The following SCAP variants were observed in gnomAD, a reference collection of about 807,000 sequenced individuals.
SCAP encodes the protein SREBF chaperone, also known as sterol regulatory element-binding protein cleavage-activating protein.
SCAP carries 65 observed loss-of-function variants against 123.6 expected under a neutral mutation model. The ratio of observed to expected loss-of-function variants is 0.53; its 90% CI spans 0.43 to 0.65. The LOEUF (loss-of-function observed/expected upper bound fraction) is 0.65. SCAP is among the 30% of genes least tolerant of loss of function. SCAP has a pLI of 0.00. For missense variants in SCAP, 1,398 were observed against 1,712.5 expected (o/e 0.82, Z 3.24); for synonymous variants, 740 against 726.3 (o/e 1.02, Z -0.30).
In SCAP at chr3:47,417,590, G is replaced by A. The variant is rs1348099071; in HGVS notation, c.2684C>T (p.Pro895Leu). 4 of 1,597,326 alleles carry A rather than the reference G, an allele frequency of 2.5e-6. No individual in the cohort carries two copies. The highest frequency in any genetic ancestry group is 1.8e-5 in the Admixed American group (1 of 57,116). The stretch of plus-strand genomic sequence containing the variant: ...GCGGCCACAGACCGCCCGGTGCCGG[G>A]GCTCGGGCTGAGTGGGCTGTGAGGA... The part of the protein sequence containing the change: ...PRSSQPTQPE[P>L]RHRAVCGRSR... Residue 895 changes from proline to leucine, a missense_variant, in exon 17 of 23, where the codon CCC (proline) becomes CTC (leucine). By Grantham distance (98) the Pro-to-Leu change is moderately conservative. Around this residue, in one of 7 missense-constraint regions of SCAP, gnomAD observed 828 missense variants for 882.5 expected, o/e 0.94. Coordinates refer to ENST00000265565, the MANE Select transcript of SCAP (RefSeq NM_012235.4).
chr3:47,434,301 A>G (rs925036474), intron 3 of SCAP, among the ~76,000 whole-genome samples: 3 of 152,206 alleles, frequency 2.0e-5, no homozygotes, highest in African/African-American at 7.2e-5. Flanking sequence ...ACCACAGAAC[A>G]ACACAGAAGA....
chr3:47,468,024 C>T (rs555302221), intron 1 of SCAP, among the ~76,000 whole-genome samples: 8 of 152,266 alleles, frequency 5.3e-5, no homozygotes, highest in African/African-American at 1.9e-4. Context: ...CCAGCTTCAT[C>T]CATGTACCTA....
Position 47,414,641 on chromosome 3 carries a change from C to T in SCAP, c.3318G>A (p.Leu1106=), listed in dbSNP as rs1705481252. The change falls in exon 21 of 23, where the codon CTG becomes CTA. Residue 1106 remains leucine, a synonymous_variant. Coordinates refer to ENST00000265565, the MANE Select transcript of SCAP (RefSeq NM_012235.4). Reference sequence around the variant, plus strand: ...GGGTGAAGAGGCAGCACGAGTCCTCCAGACGGAACACCTGGGACAGGGATG... The same window carrying T: ...GGGTGAAGAGGCAGCACGAGTCCTCTAGACGGAACACCTGGGACAGGGATG... ...SQDHTLRVFR[L]EDSCCLFTLQ... 18 of 1,613,200 alleles carry T rather than the reference C, an allele frequency of 1.1e-5. No homozygotes were observed. The highest frequency in any genetic ancestry group is 1.6e-4 in the Middle Eastern group (1 of 6,084).
chr3:47,419,377 G>C lies in SCAP; in HGVS notation c.1891C>G (p.Arg631Gly). 6.2e-7 allele frequency: 1 copy of C among 1,611,634 alleles called. No homozygotes were observed. Among genetic ancestry groups the C allele is most frequent in the Non-Finnish European group, 8.5e-7 (1 of 1,179,304 alleles). The change falls in exon 13 of 23, where the codon CGC (arginine) becomes GGC (glycine). Residue 631 changes from arginine (R) to glycine (G), a missense_variant. Physicochemically the swap from Arg to Gly is moderately radical, Grantham distance 125. Coordinates refer to ENST00000265565, the MANE Select transcript of SCAP (RefSeq NM_012235.4). The surrounding 1 kb of genome is among the most constrained non-coding windows in gnomAD (Gnocchi z 5.0). The stretch of plus-strand genomic sequence containing the variant: ...TAGCTGAAGAGCGTCGGCCAGTGGC[G>C]GAAGGACAATTTCCTCCAAAGTTCC... Reference protein sequence around the residue: ...DEELWRKLSFRHWPTLFSYYN... With the variant: ...DEELWRKLSFGHWPTLFSYYN...
In SCAP at chr3:47,414,191, A is replaced by T. The variant is rs1705453173; in HGVS notation, c.3583T>A (p.Ser1195Thr). Residue 1195 changes from serine to threonine, a missense_variant, in exon 22 of 23, where the codon TCC (serine) becomes ACC (threonine). Ser to Thr is a moderately conservative substitution (Grantham distance 58). This residue lies in a region of SCAP where 130 missense variants were observed against 166.7 expected (regional missense o/e 0.78). Transcript: ENST00000265565. ...CCCATCCCCTCTACCTGCTGAATGG[A>T]GTAGAACTTGATGCCTGTGCTGCGG... ...WDRSTGIKFYSIQQDLGCGAS... is the reference protein window; with the variant it reads ...WDRSTGIKFYTIQQDLGCGAS... 6.2e-7 allele frequency: 1 copy of T among 1,613,552 alleles called. No homozygotes were observed. Among genetic ancestry groups the T allele is most frequent in the Non-Finnish European group, 8.5e-7 (1 of 1,180,018 alleles).
rs1199734376 is a variant in SCAP at position 47,435,140 on chromosome 3, G to C, written c.123-3C>G. ...AGGGGAGTTTCAGCAGTGGGTAGCT[G>C]GGATGTACAAAAAGGAGATAAGAAT... On this transcript the variant is annotated splice_polypyrimidine_tract_variant and splice_region_variant and intron_variant, in intron 2 of 22. Transcript: ENST00000265565. 1.9e-6 allele frequency: 3 copies of C among 1,611,994 alleles called. No individual in the cohort carries two copies. The highest frequency in any genetic ancestry group is 2.5e-6 in the Non-Finnish European group (3 of 1,178,930).
chr3:47,443,266 ACACACACACACTCT>A (rs1461858521), intron 1 of SCAP, 175 bp from the exon 2 acceptor site: 12 of 196,810 alleles, frequency 6.1e-5, no homozygotes, highest in South Asian at 2.0e-4. Context: ...ACACACACAC[ACACACACACACTCT>A]CTCTCTCTCT....
chr3:47,425,626 G>C lies in SCAP; in HGVS notation c.911-15C>G. On this transcript the variant is annotated splice_polypyrimidine_tract_variant and intron_variant, in intron 7 of 22. Transcript: ENST00000265565. Reference sequence around the variant, plus strand: ...GTCGATCTTCCCTGGAGGGCAGAGAGGGCGTATCAGGGCGGCCCCTCCCCC... The same window carrying C: ...GTCGATCTTCCCTGGAGGGCAGAGACGGCGTATCAGGGCGGCCCCTCCCCC... 1 of 1,613,084 alleles carries C rather than the reference G, an allele frequency of 6.2e-7. No individual in the cohort carries two copies. The highest frequency in any genetic ancestry group is 1.1e-5 in the South Asian group (1 of 91,028).
chr3:47,418,190 G>A lies in SCAP; in HGVS notation c.2391C>T (p.His797=). The A allele has an allele frequency of 1.3e-6, 2 of 1,575,560 alleles. No homozygotes were observed. Among genetic ancestry groups the A allele is most frequent in the Non-Finnish European group, 1.7e-6 (2 of 1,161,238 alleles). Residue 797 remains histidine, a synonymous_variant, in exon 16 of 23, where the codon CAC becomes CAT. Coordinates refer to ENST00000265565, the MANE Select transcript of SCAP (RefSeq NM_012235.4). ...CGGTCTGCGCGTCCCACACGCAGAC[G>A]TGGCCTGCCAGGCAGCAGCTCACCA... The part of the protein sequence containing the change: ...MLLVSCCLAG[H]VCVWDAQTGD...
At position 47,426,045 on chromosome 3, in the gene SCAP, G is replaced by C. The variant is rs764540288; in HGVS notation, c.862C>G (p.Leu288Val). ...AACAAGATGATGTAGGTGGTCACAA[G>C]GGGGATGAGCTCAGCGACACCAATC... ...EEIGVAELIP[L>V]VTTYIILFAY... is the part of the protein sequence containing the mutation. The change falls in exon 7 of 23, where the codon CTT becomes GTT. Residue 288 changes from leucine (L) to valine (V), a missense_variant. Leu to Val is a conservative substitution (Grantham distance 32). Coordinates refer to ENST00000265565, the MANE Select transcript of SCAP (RefSeq NM_012235.4). 8.7e-6 allele frequency: 14 copies of C among 1,614,092 alleles called. No homozygotes were observed. The highest frequency in any genetic ancestry group is 1.2e-5 in the Non-Finnish European group (14 of 1,180,026).
chr3:47,445,830 C>T lies in SCAP; in HGVS notation c.-98-2739G>A, dbSNP rs534692012. Among the ~76,000 whole-genome samples, 21 of 151,628 alleles carry T rather than the reference C, an allele frequency of 1.4e-4. No individual in the cohort carries two copies. In the East Asian group the frequency reaches 3.7e-3, roughly 27 times the overall value. The stretch of plus-strand genomic sequence containing the variant: ...TAGATGATTTGCCAGCCTGGCCTCC[C>T]AAAGTGCTGGGATTACAGGTGTGAG... On this transcript the variant is annotated intron_variant, in intron 1 of 22. Coordinates refer to ENST00000265565, the MANE Select transcript of SCAP (RefSeq NM_012235.4).
rs1409539491 is a variant in SCAP at position 47,450,008 on chromosome 3, C to CT, written c.-98-6918dup. Among the ~76,000 whole-genome samples the CT allele has an allele frequency of 5.7e-5, 7 of 123,662 alleles. 1 individual carries two copies. Among genetic ancestry groups the CT allele is most frequent in the Non-Finnish European group, 1.3e-4 (7 of 55,892 alleles). 81.1% of individuals were successfully genotyped at this position (123,662 alleles called of 152,430 possible). ...TTTGCCTTCAAAGAAACTTTTTTTT[C>CT]TTTTTTTGAGATGGAGTCTTGCTCT... On this transcript the variant is annotated intron_variant, in intron 1 of 22. Coordinates refer to ENST00000265565, the MANE Select transcript of SCAP (RefSeq NM_012235.4).
intron 1 of SCAP, among the ~76,000 whole-genome samples, chr3:47,454,293 G>A (rs536015854): frequency 5.3e-5 from 8 of 151,768 alleles, no homozygotes; most frequent in African/African-American, 9.7e-5. Flanking sequence ...TGTGAACCCC[G>A]GGGGACGGAG....
intron 7 of SCAP, 86 bp downstream of exon 7, chr3:47,425,911 G>A: frequency 6.8e-7 from 1 of 1,474,180 alleles, no homozygotes; most frequent in Non-Finnish European, 9.3e-7. Context: ...TCTACCCCAA[G>A]CCACCTCCAG....
chr3:47,466,133 A>G (rs931535213), intron 1 of SCAP, among the ~76,000 whole-genome samples: 6 of 147,064 alleles, frequency 4.1e-5, no homozygotes, highest in Non-Finnish European at 6.0e-5. Context: ...CTGTCTTAAA[A>G]ACCAAAAAAA....
chr3:47,435,469 TACACAC>T (rs57702290), intron 2 of SCAP, among the ~76,000 whole-genome samples: 5,243 of 91,838 alleles, frequency 0.057, 215 homozygotes, highest in East Asian at 0.27. Flanking sequence ...AATATAAACA[TACACAC>T]ACACACACAC....
intron 2 of SCAP, among the ~76,000 whole-genome samples, chr3:47,442,490 G>A (rs144600203): frequency 1.3e-5 from 2 of 152,272 alleles, no homozygotes; most frequent in Admixed American, 1.3e-4. Flanking sequence ...CTGTTCTAAT[G>A]GACTTTGCCT....
chr3:47,421,024 G>C lies in SCAP; in HGVS notation c.1251C>G (p.Phe417Leu). Residue 417 changes from phenylalanine (F) to leucine (L), a missense_variant, in exon 11 of 23, where the codon TTC becomes TTG. Coordinates refer to ENST00000265565, the MANE Select transcript of SCAP (RefSeq NM_012235.4). ...YFTLVPAIQE[F>L]CLFAVVGLVS... ...CCAGCCCCACGACAGCAAAGAGACA[G>C]AACTCCTGGAATCAGAGCACATGGG... is the stretch of plus-strand genomic sequence containing the variant. The C allele has an allele frequency of 1.2e-6, 2 of 1,613,550 alleles. No homozygotes were observed. The highest frequency in any genetic ancestry group is 1.7e-6 in the Non-Finnish European group (2 of 1,179,656).
chr3:47,443,463 C>T (rs4858894), intron 1 of SCAP, among the ~76,000 whole-genome samples: 10 of 151,946 alleles, frequency 6.6e-5, no homozygotes, highest in African/African-American at 2.2e-4. Flanking sequence ...TCTTCCCCCC[C>T]CTCCTCTATG....
Sources: gnomAD v4.1 joint callset for allele counts (sites outside exome capture counted in the v4.1 genomes callset) on GRCh38, gnomAD v4.1.1 for gene constraint, gnomAD v4.1.1 regional missense constraint, Gnocchi (gnomAD v3.1) non-coding constraint, MANE v1.5 for transcripts, NCBI Gene and HGNC (gene_info 2026-07-23, HGNC 2026-07-21) for gene names.